Variants in NAV2 observed in about 807,000 individuals in gnomAD.
NAV2 encodes helicase, APC down-regulated 1.
A neutral mutation model predicts 223.2 loss-of-function variants in NAV2; 54 were observed. The observed-to-expected ratio is 0.24, with a 90% confidence interval of 0.19 to 0.30. The LOEUF is 0.30. Among genes scored for constraint, NAV2 ranks in the 10% least tolerant of loss-of-function variants. The pLI is 1.00. For missense variants in NAV2, 2,806 were observed against 3,147.5 expected, an observed-to-expected ratio of 0.89 and a Z score of 2.60; for synonymous variants, 1,279 against 1,239.3, an observed-to-expected ratio of 1.03 and a Z score of -0.67.
intron 1 of NAV2, among the ~76,000 whole-genome samples, chr11:19,374,093 T>C (rs1350498858): frequency 6.6e-6 from 1 of 152,244 alleles, no homozygotes; most frequent in East Asian, 1.9e-4. Context: ...ATTATAATAA[T>C]GTTATCATGA....
chr11:19,400,226 G>A (rs971664296), intron 1 of NAV2, among the ~76,000 whole-genome samples: 3 of 152,162 alleles, frequency 2.0e-5, no homozygotes, highest in African/African-American at 4.8e-5. Flanking sequence ...TGGAAAATCC[G>A]ACGTGGTGTG....
intron 1 of NAV2, among the ~76,000 whole-genome samples, chr11:19,460,864 G>A (rs2133858697): frequency 6.6e-6 from 1 of 152,224 alleles, no homozygotes; most frequent in South Asian, 2.1e-4. Context: ...TGGCAGCCCT[G>A]GGGTAGATGT....
rs1010927246 is a variant in NAV2 at position 20,039,443 on chromosome 11, C to T, written c.2907+3346C>T. Among the ~76,000 whole-genome samples the T allele has an allele frequency of 2.0e-5, 3 of 152,058 alleles. No individual in the cohort carries two copies. The South Asian group carries it at 6.2e-4, about 32-fold the overall frequency. ...CTTATCTCTCCCTCCCTTCCTCCCTCCTCTCCTTCCCTTCGTCCCTTCCCA... is the reference window on the plus strand; with the variant it reads ...CTTATCTCTCCCTCCCTTCCTCCCTTCTCTCCTTCCCTTCGTCCCTTCCCA... On this transcript the variant is annotated intron_variant, in intron 12 of 37. Coordinates refer to ENST00000349880, the MANE Select transcript of NAV2 (RefSeq NM_145117.5).
In NAV2 at chr11:19,832,511, C is replaced by G; in HGVS notation, c.295C>G (p.Leu99Val). The G allele has an allele frequency of 6.2e-7, 1 of 1,614,176 alleles. No individual in the cohort carries two copies. Among genetic ancestry groups the G allele is most frequent in the Non-Finnish European group, 8.5e-7 (1 of 1,180,028 alleles). The stretch of plus-strand genomic sequence containing the variant: ...CTACACAGACTGGGCCAATCATTAC[C>G]TAGCCAAATCCGGCCACAAGCGTCT... Reference protein sequence around the residue: ...QIYTDWANHYLAKSGHKRLIR... With the variant: ...QIYTDWANHYVAKSGHKRLIR... The change falls in exon 2 of 38, where the codon CTA becomes GTA. Residue 99 changes from leucine to valine, a missense_variant. Leu to Val is a conservative substitution (Grantham distance 32, BLOSUM62 1). Around this residue, in one of 4 missense-constraint regions of NAV2, gnomAD observed 1,167 missense variants for 1,180.5 expected, o/e 0.99. Transcript: ENST00000349880.
chr11:19,936,042 T>TTTA (rs1392113367), intron 7 of NAV2, among the ~76,000 whole-genome samples: 3 of 140,594 alleles, frequency 2.1e-5, no homozygotes, highest in African/African-American at 8.0e-5. Flanking sequence ...TTTTTTTTTT[T>TTTA]AATTTTAATA....
At position 19,811,532 on chromosome 11, in the gene NAV2, C is replaced by G. The variant is rs75612884; in HGVS notation, c.268-20952C>G. Among the ~76,000 whole-genome samples, 1,266 of 152,282 alleles carry G rather than the reference C, an allele frequency of 8.3e-3. 24 individuals carry two copies. Among genetic ancestry groups the G allele is most frequent in the African/African-American group, 0.029 (1,195 of 41,546 alleles). On this transcript the variant is annotated intron_variant, in intron 1 of 37. Transcript: ENST00000349880. ...TTATCCCAGCTGCCACACACTAATG[C>G]CTTTCTTACTGAGTTTCAAAATCAG...
At chr11:19,883,964 G>T (rs2063372654) in intron 5 of NAV2, among the ~76,000 whole-genome samples, 1 of 152,168 alleles carries the variant, frequency 6.6e-6, no homozygotes, top group Non-Finnish European at 1.5e-5. Flanking sequence ...CTTTAGAAAG[G>T]CATAAAGTTT....
chr11:19,428,766 G>C (rs139543270), intron 1 of NAV2, among the ~76,000 whole-genome samples: 1 of 152,210 alleles, frequency 6.6e-6, no homozygotes, highest in East Asian at 1.9e-4. Flanking sequence ...GGGAAGAGAA[G>C]GGCTGATCAG....
At chr11:19,697,706 G>T (rs551270399) in intron 1 of NAV2, among the ~76,000 whole-genome samples, 1 of 152,286 alleles carries the variant, frequency 6.6e-6, no homozygotes, top group East Asian at 1.9e-4. Context: ...CAACTAGACT[G>T]TGAAGGCATT....
intron 1 of NAV2, among the ~76,000 whole-genome samples, chr11:19,446,572 A>G (rs1442405800): frequency 2.0e-5 from 3 of 152,114 alleles, no homozygotes; most frequent in African/African-American, 4.8e-5. Context: ...AGCTCCTTCT[A>G]GCCTGCCAGG....
intron 5 of NAV2, among the ~76,000 whole-genome samples, chr11:19,888,205 T>A (rs1188931979): frequency 6.6e-6 from 1 of 152,176 alleles, no homozygotes; most frequent in South Asian, 2.1e-4. Context: ...TTATTTGTAA[T>A]TGTGTTTGGA....
chr11:19,870,957 G>A (rs2062450744), intron 4 of NAV2, among the ~76,000 whole-genome samples: 1 of 152,182 alleles, frequency 6.6e-6, no homozygotes, highest in Admixed American at 6.5e-5. Context: ...TGCTTCAGAA[G>A]ATGTTATAGC....
At chr11:19,756,293 C>T (rs1263849605) in intron 1 of NAV2, among the ~76,000 whole-genome samples, 1 of 152,148 alleles carries the variant, frequency 6.6e-6, no homozygotes, top group Non-Finnish European at 1.5e-5. Flanking sequence ...CCACCCTAAT[C>T]CAGGATAAAC....
intron 1 of NAV2, among the ~76,000 whole-genome samples, chr11:19,610,311 A>G (rs1187064760): frequency 2.0e-5 from 3 of 152,042 alleles, no homozygotes; most frequent in Middle Eastern, 3.2e-3. Flanking sequence ...ATAAGTTAAC[A>G]AAAGATAATA....
At chr11:20,085,637 CTG>C (rs1456497608) in intron 26 of NAV2, among the ~76,000 whole-genome samples, 1 of 152,222 alleles carries the variant, frequency 6.6e-6, no homozygotes, top group Non-Finnish European at 1.5e-5. Context: ...TTACATATGA[CTG>C]TTTATTTCTT....
rs796170367 is a variant in NAV2, at chr11:19,369,410, C to T, written c.75+18383C>T. Among the ~76,000 whole-genome samples, 3 of 152,150 alleles carry T rather than the reference C, an allele frequency of 2.0e-5. No homozygotes were observed. In the South Asian group the frequency reaches 6.2e-4, roughly 32 times the overall value. On this transcript the variant is annotated intron_variant, in intron 1 of 37. Coordinates refer to the NAV2 transcript ENST00000360655. The stretch of plus-strand genomic sequence containing the variant: ...GACCACAACTTCATTTCTGCCTGGT[C>T]TACTCTGTATTTGATAAACAAAATA...
chr11:19,893,427 G>T (rs2041679020), intron 6 of NAV2, among the ~76,000 whole-genome samples: 1 of 152,124 alleles, frequency 6.6e-6, no homozygotes, highest in South Asian at 2.1e-4. Flanking sequence ...GATTCCTAGG[G>T]CTGTCTACGT....
rs74758630 is a variant in NAV2, at chr11:20,102,842, T to C, written c.6418-413T>C. Among the ~76,000 whole-genome samples, 1,023 of 152,276 alleles carry C rather than the reference T, an allele frequency of 6.7e-3. 6 individuals carry two copies. Among genetic ancestry groups the C allele is most frequent in the Non-Finnish European group, 9.9e-3 (675 of 68,020 alleles). The stretch of plus-strand genomic sequence containing the variant: ...TCCCCAAGCCCGGTGCATATAGACT[T>C]GTCTCCCCAATGCTGTGTGTTGTGT... On this transcript the variant is annotated intron_variant, in intron 32 of 37. Coordinates refer to ENST00000349880, the MANE Select transcript of NAV2 (RefSeq NM_145117.5).
intron 1 of NAV2, among the ~76,000 whole-genome samples, chr11:19,727,246 T>G (rs917128920): frequency 6.6e-6 from 1 of 152,058 alleles, no homozygotes; most frequent in Non-Finnish European, 1.5e-5. Context: ...CTGGGCTGGT[T>G]GAGATAGCAC....
Sources: gnomAD v4.1 joint callset for allele counts (sites outside exome capture counted in the v4.1 genomes callset) on GRCh38, gnomAD v4.1.1 for gene constraint, gnomAD v4.1.1 regional missense constraint, MANE v1.5 for transcripts, NCBI Gene and HGNC (gene_info 2026-07-23, HGNC 2026-07-21) for gene names.